The following CDKN2A variants were observed in gnomAD, a reference collection of about 807,000 sequenced individuals.
The protein encoded by CDKN2A is cyclin dependent kinase inhibitor 2A, also known as cyclin-dependent kinase inhibitor 2A.
CDKN2A carries 3 observed loss-of-function variants against 11.1 expected under a neutral mutation model. That is an observed-to-expected ratio of 0.27 (90% CI 0.12 to 0.70). The LOEUF is 0.70. CDKN2A is among the 30% of genes least tolerant of loss of function. CDKN2A has a pLI of 0.77. For synonymous variants in CDKN2A, 122 were observed against 108.1 expected, an observed-to-expected ratio of 1.13 and a Z score of -0.80; for missense variants, 265 against 233.6, an observed-to-expected ratio of 1.13 and a Z score of -0.88.
At chr9:21,970,774 C>T (rs565049888) in intron 2 of CDKN2A, 128 bp downstream of exon 2, 2 of 1,196,956 alleles carry the variant, frequency 1.7e-6, no homozygotes, top group South Asian at 2.6e-5. Flanking sequence ...GGCCGTCCCA[C>T]CGATTGGCGC....
chr9:21,974,561 A>C lies in CDKN2A; in HGVS notation c.150+117T>G. 1 of 1,613,512 alleles carries C rather than the reference A, an allele frequency of 6.2e-7. No individual in the cohort carries two copies. The highest frequency in any genetic ancestry group is 8.5e-7 in the Non-Finnish European group (1 of 1,179,994). ...TACAAACCCCTTCTGAAAACTCCCC[A>C]GGAAGCCTCCCCTTTTTCCGGAGAA... On this transcript the variant is annotated intron_variant, in intron 1 of 2. Transcript: ENST00000304494. The surrounding 1 kb of genome is among the most constrained non-coding windows in gnomAD (Gnocchi z 5.2).
rs767030551 is a variant in CDKN2A at position 21,971,222 on chromosome 9, C to T, written c.151-14G>A. The T allele has an allele frequency of 4.3e-5, 69 of 1,594,904 alleles. No individual in the cohort carries two copies. The East Asian group carries it at 1.4e-3, about 32-fold the overall frequency. ...CATCATCATGACCTGCCAGAGAGAA[C>T]AGAATGGTCAGAGCCAGGGTGGGGG... On this transcript the variant is annotated splice_polypyrimidine_tract_variant and intron_variant, in intron 1 of 2. Transcript: ENST00000304494.
intron 2 of CDKN2A, chr9:21,993,816 T>G (rs1013912015): frequency 8.9e-6 from 4 of 447,726 alleles, no homozygotes; most frequent in South Asian, 2.2e-5. Context: ...TGTGTGTGTG[T>G]GTGTGTGTGT....
intron 2 of CDKN2A, among the ~76,000 whole-genome samples, chr9:21,983,634 T>A (rs1000134582): frequency 6.6e-6 from 1 of 152,084 alleles, no homozygotes; most frequent in African/African-American, 2.4e-5. Context: ...GATTTATAGA[T>A]AACAAAATGG....
rs60431211 is a variant in CDKN2A, at chr9:21,990,611, TGAGAGAGAGAGAGAGAGAGA to T, written c.-4+3251_-4+3270del. On this transcript the variant is annotated intron_variant, in intron 2 of 3. Coordinates refer to the CDKN2A transcript ENST00000494262. ...GCGGAAACCATTATAACTAATTTGG[TGAGAGAGAGAGAGAGAGAGA>T]GAGAGAGAGAGAGAGAGAGAAACTG... Among the ~76,000 whole-genome samples the T allele has an allele frequency of 3.7e-3, 329 of 89,752 alleles. 6 individuals are homozygous for T. The highest frequency in any genetic ancestry group is 0.012 in the African/African-American group (309 of 26,278). 58.9% of individuals were successfully genotyped at this position (89,752 alleles called of 152,430 possible). A position where few individuals can be genotyped will look rare whatever the true frequency, so the allele number is the denominator to read the frequency against.
rs1403422774 is a variant in CDKN2A at position 21,973,525 on chromosome 9, T to A, written c.150+1153A>T. Among the ~76,000 whole-genome samples, 4 of 152,196 alleles carry A rather than the reference T, an allele frequency of 2.6e-5. No individual in the cohort carries two copies. The East Asian group carries it at 5.8e-4, about 22-fold the overall frequency. ...ATATTGTAGGACTACAAAGCCAAAC[T>A]CCCGGGTTCAAGCTGTTGGCAAAAT... On this transcript the variant is annotated intron_variant, in intron 1 of 2. Transcript: ENST00000304494.
chr9:21,978,232 C>T (rs1470536249), upstream of CDKN2A, among the ~76,000 whole-genome samples: 1 of 151,872 alleles, frequency 6.6e-6, no homozygotes, highest in Admixed American at 6.6e-5. Context: ...CAAACCTGCA[C>T]ATTGTGCACA....
rs773369448 is a variant in CDKN2A at position 21,994,179 on chromosome 9, C to T, written c.-175-126G>A. ...GCGGCTGCTGCCCTAGACGCTGGCTCCTCAGTAGCATCAGCACGAGGGCCA... is the reference window on the plus strand; with the variant it reads ...GCGGCTGCTGCCCTAGACGCTGGCTTCTCAGTAGCATCAGCACGAGGGCCA... On this transcript the variant is annotated intron_variant, in intron 1 of 3. Transcript: ENST00000494262. 3.1e-6 allele frequency: 5 copies of T among 1,605,146 alleles called. No individual in the cohort carries two copies. Among genetic ancestry groups the T allele is most frequent in the Non-Finnish European group, 3.4e-6 (4 of 1,179,888 alleles).
At chr9:21,969,966 T>C (rs1819625864) in intron 2 of CDKN2A, among the ~76,000 whole-genome samples, 1 of 152,158 alleles carries the variant, frequency 6.6e-6, no homozygotes, top group Non-Finnish European at 1.5e-5. Context: ...AGGAGCCCAA[T>C]GCCCCCGTTC....
intron 2 of CDKN2A, among the ~76,000 whole-genome samples, chr9:21,990,529 A>G (rs1378155381): frequency 6.6e-6 from 1 of 151,960 alleles, no homozygotes; most frequent in East Asian, 1.9e-4. Context: ...TGGAAAACTC[A>G]AAAGTGAAAC....
intron 2 of CDKN2A, among the ~76,000 whole-genome samples, chr9:21,983,266 T>A (rs1820236647): frequency 6.6e-6 from 1 of 152,228 alleles, no homozygotes; most frequent in African/African-American, 2.4e-5. Context: ...ATTAAGGAAT[T>A]AGCTGCACAT....
At chr9:21,986,819 G>T (rs1820308727) in intron 2 of CDKN2A, among the ~76,000 whole-genome samples, 1 of 152,036 alleles carries the variant, frequency 6.6e-6, no homozygotes, top group Admixed American at 6.5e-5. Context: ...CATGTAAATT[G>T]CATGGAGTAA....
At chr9:21,969,809 G>C (rs538091777) in intron 2 of CDKN2A, 9 of 395,920 alleles carry the variant, frequency 2.3e-5, no homozygotes, top group Non-Finnish European at 3.1e-5. Context: ...GGGAATTGGC[G>C]GGGGGGAGGG....
chr9:21,975,228 C>G (rs1024621467), upstream of CDKN2A: 9 of 1,008,584 alleles, frequency 8.9e-6, no homozygotes, highest in Middle Eastern at 4.2e-4. Context: ...CGCGCTCCCC[C>G]GCCTGCCAGC....
At chr9:21,978,199 A>G (rs1254179296), upstream of CDKN2A, among the ~76,000 whole-genome samples, 2 of 152,102 alleles carry the variant, frequency 1.3e-5, no homozygotes, top group African/African-American at 4.8e-5. Context: ...GCACACCAAC[A>G]TGGCACATGT....
At chr9:21,971,752 A>G (rs1051720014) in intron 1 of CDKN2A, among the ~76,000 whole-genome samples, 2 of 152,040 alleles carry the variant, frequency 1.3e-5, no homozygotes, top group Non-Finnish European at 2.9e-5. Flanking sequence ...TTAAAATTAT[A>G]TATTGGGATA....
chr9:21,972,851 T>C (rs1057285291), intron 1 of CDKN2A, among the ~76,000 whole-genome samples: 1 of 152,196 alleles, frequency 6.6e-6, no homozygotes, highest in Admixed American at 6.5e-5. Flanking sequence ...ATAACTGTTA[T>C]TTGTTATATT....
intron 2 of CDKN2A, chr9:21,992,364 A>G (rs1407245911): frequency 1.4e-5 from 13 of 947,688 alleles, no homozygotes; most frequent in Non-Finnish European, 1.6e-5. Flanking sequence ...ATATCATTTT[A>G]CATATGAAAT....
intron 2 of CDKN2A, among the ~76,000 whole-genome samples, chr9:21,980,646 A>G (rs1820149714): frequency 6.6e-6 from 1 of 152,180 alleles, no homozygotes; most frequent in South Asian, 2.1e-4. Flanking sequence ...AAGAGCATGT[A>G]TTGGTAACAA....
Sources: allele counts gnomAD v4.1 joint callset (sites outside exome capture counted in the v4.1 genomes callset), GRCh38; gene constraint gnomAD v4.1.1; non-coding constraint Gnocchi (gnomAD v3.1); transcripts MANE v1.5; gene names NCBI Gene and HGNC (gene_info 2026-07-23, HGNC 2026-07-21).